The following SUMF1 variants were observed in gnomAD, a reference collection of about 807,000 sequenced individuals.
SUMF1 encodes the protein sulfatase modifying factor 1.
In SUMF1, 48 loss-of-function variants were observed where a neutral mutation model predicts 47.6. That is an observed-to-expected ratio of 1.01 (90% CI 0.80 to 1.28). The LOEUF is 1.28. Among genes scored for constraint, SUMF1 ranks in the 50% most tolerant of loss-of-function variants. The pLI, the probability that SUMF1 is intolerant of heterozygous loss-of-function variation, is 0.00. For synonymous variants in SUMF1, 230 were observed against 192.1 expected, an observed-to-expected ratio of 1.20 and a Z score of -1.63; for missense variants, 571 against 485.4, an observed-to-expected ratio of 1.18 and a Z score of -1.66.
At chr3:4,251,737 C>T (rs547706856) in intron 8 of SUMF1, among the ~76,000 whole-genome samples, 1 of 152,248 alleles carries the variant, frequency 6.6e-6, no homozygotes, top group South Asian at 2.1e-4. Flanking sequence ...GCTGTTTTAC[C>T]TACATTGAAA....
intron 3 of SUMF1, among the ~76,000 whole-genome samples, chr3:4,428,359 CTTT>C (rs58545153): frequency 0.061 from 9,077 of 149,026 alleles, 368 homozygotes; most frequent in East Asian, 0.24. Context: ...CTTCTTGTGC[CTTT>C]TTTTTTCTGG....
chr3:4,079,081 T>C (rs1381508592), intron 8 of SUMF1, among the ~76,000 whole-genome samples: 1 of 152,046 alleles, frequency 6.6e-6, no homozygotes, highest in African/African-American at 2.4e-5. Flanking sequence ...TCTGCGTGAG[T>C]CGCCTCACAG....
In SUMF1 at chr3:4,284,712, C is replaced by CA. The variant is rs548407734; in HGVS notation, c.1014+91617dup. 1.0e-3 allele frequency among the ~76,000 whole-genome samples: 151 copies of CA among 150,240 alleles called. 1 individual carries two copies. The highest frequency in any genetic ancestry group is 3.6e-3 in the African/African-American group (147 of 40,852). On this transcript the variant is annotated intron_variant and NMD_transcript_variant, in intron 8 of 12. Transcript: ENST00000448413. ...AACAATTACTTCAAATCAGGAAAGG[C>CA]AAAAAAACTCCTGAAAAAAAAAATA...
intron 8 of SUMF1, among the ~76,000 whole-genome samples, chr3:4,255,086 G>A (rs1322307012): frequency 6.7e-6 from 1 of 150,320 alleles, no homozygotes; most frequent in East Asian, 1.9e-4. Flanking sequence ...TCACCACCAG[G>A]CCTGCCCTAA....
At chr3:4,199,815 G>A (rs1695504066) in intron 8 of SUMF1, among the ~76,000 whole-genome samples, 1 of 151,940 alleles carries the variant, frequency 6.6e-6, no homozygotes, top group South Asian at 2.1e-4. Context: ...TTTTTAATTG[G>A]ATTATGAATC....
chr3:4,337,075 G>C (rs1422766186), intron 8 of SUMF1, among the ~76,000 whole-genome samples: 1 of 152,136 alleles, frequency 6.6e-6, no homozygotes, highest in African/African-American at 2.4e-5. Flanking sequence ...TTTAGATATT[G>C]CTGGCATTTC....
intron 8 of SUMF1, among the ~76,000 whole-genome samples, chr3:4,287,042 C>T (rs1474185369): frequency 6.6e-6 from 1 of 152,140 alleles, no homozygotes; most frequent in African/African-American, 2.4e-5. Flanking sequence ...TGCCTTGTAA[C>T]TGTCATTCTC....
intron 8 of SUMF1, among the ~76,000 whole-genome samples, chr3:4,269,193 T>A: frequency 6.6e-6 from 1 of 152,220 alleles, no homozygotes; most frequent in African/African-American, 2.4e-5. Flanking sequence ...TTATTATACT[T>A]TAAGTTTTAG....
intron 8 of SUMF1, among the ~76,000 whole-genome samples, chr3:4,136,632 A>G (rs1693939439): frequency 6.6e-6 from 1 of 151,832 alleles, no homozygotes; most frequent in Non-Finnish European, 1.5e-5. Context: ...GGATCTAATT[A>G]AACTAAAGAG....
chr3:4,314,577 T>G (rs1265764978), intron 8 of SUMF1, among the ~76,000 whole-genome samples: 2 of 152,156 alleles, frequency 1.3e-5, no homozygotes, highest in Non-Finnish European at 2.9e-5. Flanking sequence ...TTTTTCATTT[T>G]CATTATATAC....
intron 8 of SUMF1, among the ~76,000 whole-genome samples, chr3:4,273,479 A>T (rs1391036264): frequency 1.3e-5 from 2 of 152,074 alleles, no homozygotes; most frequent in Non-Finnish European, 2.9e-5. Context: ...TAGAAACAGA[A>T]AGTAGATCAA....
In SUMF1 at chr3:4,049,703, G is replaced by A. The variant is rs138356080; in HGVS notation, c.1191+18866C>T. 1.8e-4 allele frequency among the ~76,000 whole-genome samples: 28 copies of A among 152,194 alleles called. 1 individual carries two copies. The highest frequency in any genetic ancestry group is 6.5e-4 in the African/African-American group (27 of 41,516). ...TGTTACAGTGTACTCTTTCAGCCTT[G>A]CCATTCGCGGGCAGCTTATCTGTTA... On this transcript the variant is annotated intron_variant and NMD_transcript_variant, in intron 9 of 12. Transcript: ENST00000448413.
intron 8 of SUMF1, among the ~76,000 whole-genome samples, chr3:4,157,569 A>C (rs906310756): frequency 6.6e-6 from 1 of 151,516 alleles, no homozygotes; most frequent in Non-Finnish European, 1.5e-5. Flanking sequence ...TGGAAGGGCA[A>C]GAGTTGACTT....
chr3:4,128,885 T>TA (rs962474659), intron 8 of SUMF1, among the ~76,000 whole-genome samples: 3 of 152,034 alleles, frequency 2.0e-5, no homozygotes, highest in Non-Finnish European at 4.4e-5. Flanking sequence ...CTCAGGCAGT[T>TA]AAAAAAGGTT....
intron 8 of SUMF1, among the ~76,000 whole-genome samples, chr3:4,301,245 G>C (rs1463120853): frequency 6.6e-6 from 1 of 152,142 alleles, no homozygotes; most frequent in Non-Finnish European, 1.5e-5. Flanking sequence ...TGTGGACAAA[G>C]GCCCAGAGGC....
chr3:4,287,747 GT>G (rs1258287672), intron 8 of SUMF1, among the ~76,000 whole-genome samples: 1 of 152,198 alleles, frequency 6.6e-6, no homozygotes, highest in Non-Finnish European at 1.5e-5. Flanking sequence ...CCTCAGTGCA[GT>G]TTAGGAACAA....
intron 8 of SUMF1, chr3:4,317,042 T>C: frequency 1.3e-6 from 2 of 1,549,398 alleles, no homozygotes; most frequent in Admixed American, 3.9e-5. Flanking sequence ...CGTATTCACC[T>C]GACCTCTTGC....
intron 8 of SUMF1, among the ~76,000 whole-genome samples, chr3:4,263,058 TG>T (rs919374887): frequency 1.3e-5 from 2 of 152,114 alleles, no homozygotes; most frequent in African/African-American, 4.8e-5. Flanking sequence ...ATTTTTTAAA[TG>T]GGGGTGTAGG....
intron 7 of SUMF1, among the ~76,000 whole-genome samples, chr3:4,386,816 G>A (rs1396242484): frequency 6.6e-6 from 1 of 151,106 alleles, no homozygotes; most frequent in African/African-American, 2.4e-5. Flanking sequence ...TTATAAATGA[G>A]TGTTGAAGTT....
Sources: allele counts gnomAD v4.1 joint callset (sites outside exome capture counted in the v4.1 genomes callset), GRCh38; gene constraint gnomAD v4.1.1; transcripts MANE v1.5; gene names NCBI Gene and HGNC (gene_info 2026-07-23, HGNC 2026-07-21).